Variants in USP12 observed in about 807,000 individuals in gnomAD.
The protein encoded by USP12 is ubiquitin carboxyl-terminal hydrolase 12.
Under a neutral mutation model 45.5 loss-of-function variants are expected in USP12, and 19 were observed. The observed-to-expected ratio is 0.42, with a 90% CI of 0.29 to 0.61. USP12 has a LOEUF of 0.61. USP12 is among the 20% of genes least tolerant of loss of function. The pLI is 0.22. For missense variants in USP12, 242 were observed against 447.7 expected, an observed-to-expected ratio of 0.54 and a Z score of 4.15; for synonymous variants, 149 against 148.8, an observed-to-expected ratio of 1.00 and a Z score of -0.01.
At chr13:27,135,450 C>T (rs526413) in intron 1 of USP12, among the ~76,000 whole-genome samples, 4,875 of 152,216 alleles carry the variant, frequency 0.032, 267 homozygotes, top group African/African-American at 0.11. Flanking sequence ...TGCTGGCTCA[C>T]GCCTATAATC....
At chr13:27,166,446 G>T (rs1364208086) in intron 1 of USP12, among the ~76,000 whole-genome samples, 2 of 152,092 alleles carry the variant, frequency 1.3e-5, no homozygotes, top group Non-Finnish European at 2.9e-5. Flanking sequence ...ACTCAGTTTG[G>T]GGGGACTTGG....
intron 2 of USP12, among the ~76,000 whole-genome samples, chr13:27,106,757 T>C (rs543307328): frequency 1.3e-5 from 2 of 152,202 alleles, no homozygotes; most frequent in Admixed American, 1.3e-4. Context: ...AAAATGTTTA[T>C]AGGAGAAGAG....
intron 1 of USP12, among the ~76,000 whole-genome samples, chr13:27,145,082 G>A (rs998494763): frequency 6.6e-6 from 1 of 152,030 alleles, no homozygotes; most frequent in Non-Finnish European, 1.5e-5. Flanking sequence ...GCAGCAGAGG[G>A]GACTTGAACA....
chr13:27,171,507 G>A (rs1878615936), intron 1 of USP12, 85 bp downstream of exon 1: 2 of 265,758 alleles, frequency 7.5e-6, no homozygotes, highest in Non-Finnish European at 1.1e-5. Flanking sequence ...GGCCCCGCGA[G>A]CGGCCACTGG....
chr13:27,066,550 C>G lies in USP12; in HGVS notation c.*2733G>C, dbSNP rs1873002758. 2 of 152,136 alleles carry G rather than the reference C, an allele frequency of 1.3e-5. No homozygotes were observed. The highest frequency in any genetic ancestry group is 1.3e-4 in the Admixed American group (2 of 15,262). 9.4% of individuals were successfully genotyped at this position (152,136 alleles called of 1,614,324 possible). On this transcript the variant is annotated 3_prime_UTR_variant, in exon 9 of 9. Transcript: ENST00000282344. ...TAGAGGCCCCAAGACCCACATAATACAACATTTCCCTCTTTCCCTGTTCCC... is the reference window on the plus strand; with the variant it reads ...TAGAGGCCCCAAGACCCACATAATAGAACATTTCCCTCTTTCCCTGTTCCC...
intron 1 of USP12, among the ~76,000 whole-genome samples, chr13:27,132,376 G>C (rs1406988988): frequency 1.3e-5 from 2 of 151,932 alleles, no homozygotes; most frequent in Non-Finnish European, 2.9e-5. Context: ...AAAATGTATA[G>C]GTTACTAGCA....
intron 1 of USP12, among the ~76,000 whole-genome samples, chr13:27,128,664 T>C (rs923944298): frequency 6.6e-6 from 1 of 152,334 alleles, no homozygotes; most frequent in Middle Eastern, 3.4e-3. Flanking sequence ...ATAATTTCTA[T>C]ATCTATTCCA....
intron 1 of USP12, among the ~76,000 whole-genome samples, chr13:27,121,139 C>T (rs1875963145): frequency 6.6e-6 from 1 of 152,060 alleles, no homozygotes. Context: ...ATAAGGGAAC[C>T]AGTAATAATC....
intron 1 of USP12, among the ~76,000 whole-genome samples, chr13:27,152,684 T>G (rs534166324): frequency 1.2e-4 from 19 of 152,334 alleles, no homozygotes; most frequent in Admixed American, 4.6e-4. Context: ...GGCTCCCGCT[T>G]GTAATCCCAG....
At chr13:27,127,564 G>A (rs542085427) in intron 1 of USP12, among the ~76,000 whole-genome samples, 38 of 152,158 alleles carry the variant, frequency 2.5e-4, no homozygotes, top group African/African-American at 6.5e-4. Context: ...TAATTTTGCC[G>A]TCCAGTAGTG....
chr13:27,107,839 T>C (rs941390659), intron 2 of USP12, among the ~76,000 whole-genome samples: 4 of 152,048 alleles, frequency 2.6e-5, no homozygotes, highest in Non-Finnish European at 5.9e-5. Context: ...TGAGATACCA[T>C]CTCACACCAG....
chr13:27,098,312 A>G (rs17591930), intron 3 of USP12, among the ~76,000 whole-genome samples: 7,595 of 152,172 alleles, frequency 0.05, 245 homozygotes, highest in Non-Finnish European at 0.059. Flanking sequence ...GAACAAGGAT[A>G]ATTATTTGCA....
At chr13:27,163,134 A>G (rs943267049) in intron 1 of USP12, among the ~76,000 whole-genome samples, 1 of 152,186 alleles carries the variant, frequency 6.6e-6, no homozygotes, top group East Asian at 1.9e-4. Flanking sequence ...AATTCAATTT[A>G]CCAGCATATT....
intron 1 of USP12, among the ~76,000 whole-genome samples, chr13:27,152,167 A>C (rs1877597499): frequency 6.6e-6 from 1 of 152,238 alleles, no homozygotes; most frequent in South Asian, 2.1e-4. Context: ...ATGTCCATAA[A>C]AAGCTTGCAC....
chr13:27,102,656 C>T (rs987329200), intron 3 of USP12, among the ~76,000 whole-genome samples: 1 of 152,200 alleles, frequency 6.6e-6, no homozygotes. Flanking sequence ...TCTAACATTA[C>T]CTAATCAGGG....
intron 1 of USP12, among the ~76,000 whole-genome samples, chr13:27,169,317 A>C (rs762638332): frequency 2.6e-5 from 4 of 152,206 alleles, no homozygotes; most frequent in Non-Finnish European, 5.9e-5. Context: ...CACTCGCCAG[A>C]CAAGAAGGAT....
intron 4 of USP12, among the ~76,000 whole-genome samples, chr13:27,092,173 T>C (rs1276286586): frequency 6.6e-6 from 1 of 152,146 alleles, no homozygotes; most frequent in Non-Finnish European, 1.5e-5. Context: ...CGCATGGTAT[T>C]GATATGAGGA....
chr13:27,165,929 T>A (rs1205776789), intron 1 of USP12, among the ~76,000 whole-genome samples: 3 of 151,686 alleles, frequency 2.0e-5, no homozygotes, highest in Admixed American at 6.6e-5. Context: ...GCAAAAAAAA[T>A]AATAATAATT....
intron 3 of USP12, among the ~76,000 whole-genome samples, chr13:27,100,891 G>A (rs539811640): frequency 1.3e-5 from 2 of 152,170 alleles, no homozygotes; most frequent in East Asian, 1.9e-4. Context: ...TCCCTACAGC[G>A]GCTAACTACA....
Sources: allele counts gnomAD v4.1 joint callset (sites outside exome capture counted in the v4.1 genomes callset), GRCh38; gene constraint gnomAD v4.1.1; transcripts MANE v1.5; gene names NCBI Gene and HGNC (gene_info 2026-07-23, HGNC 2026-07-21).